Variants in GRID2 observed in about 807,000 individuals in gnomAD.
GRID2 encodes glutamate receptor ionotropic, delta-2.
GRID2 carries 33 observed loss-of-function variants against 114.8 expected under a neutral mutation model. That is an observed-to-expected ratio of 0.29 (90% CI 0.22 to 0.38). The LOEUF (loss-of-function observed/expected upper bound fraction) is 0.38, where lower values mean the gene tolerates loss of function less well. GRID2 is among the 10% of genes least tolerant of loss of function. GRID2 has a pLI of 1.00. For missense variants in GRID2, 1,184 were observed against 1,257.7 expected, an observed-to-expected ratio of 0.94 and a Z score of 0.89; for synonymous variants, 505 against 449.9, an observed-to-expected ratio of 1.12 and a Z score of -1.55.
chr4:93,712,677 A>G (rs1204282726), intron 14 of GRID2, among the ~76,000 whole-genome samples: 2 of 152,200 alleles, frequency 1.3e-5, no homozygotes, highest in Non-Finnish European at 1.5e-5. Context: ...CTGTGAAAGT[A>G]TTCAACTGAT....
chr4:92,598,049 A>G (rs1246980538), intron 2 of GRID2, among the ~76,000 whole-genome samples: 2 of 152,196 alleles, frequency 1.3e-5, no homozygotes, highest in Non-Finnish European at 1.5e-5. Flanking sequence ...GTCCTTGACA[A>G]GTGTAATGAG....
intron 11 of GRID2, among the ~76,000 whole-genome samples, chr4:93,474,882 C>T (rs1725175000): frequency 6.6e-6 from 1 of 152,152 alleles, no homozygotes; most frequent in Non-Finnish European, 1.5e-5. Flanking sequence ...ACACTTAAAA[C>T]AATGCATAAT....
rs182086381 is a variant in GRID2, at chr4:93,443,376, A to G, written c.1546-12286A>G. 1.9e-4 allele frequency among the ~76,000 whole-genome samples: 29 copies of G among 152,122 alleles called. No individual in the cohort carries two copies. The East Asian group carries it at 5.0e-3, about 26-fold the overall frequency. On this transcript the variant is annotated intron_variant, in intron 10 of 15. Coordinates refer to ENST00000282020, the MANE Select transcript of GRID2 (RefSeq NM_001510.4). ...GAGTATTGCTTAGGTATAAATCAGA[A>G]CTCAGAAAAATAAGAGTAAGAATTA...
At chr4:93,138,680 C>T (rs1298751632) in intron 4 of GRID2, among the ~76,000 whole-genome samples, 1 of 152,178 alleles carries the variant, frequency 6.6e-6, no homozygotes, top group African/African-American at 2.4e-5. Flanking sequence ...ACTGTTCTCA[C>T]AGTTCTCTTC....
chr4:92,364,786 T>C (rs1201544016), intron 1 of GRID2, among the ~76,000 whole-genome samples: 1 of 152,088 alleles, frequency 6.6e-6, no homozygotes, highest in African/African-American at 2.4e-5. Flanking sequence ...ATTACTTACC[T>C]GTCAAGATTT....
intron 2 of GRID2, among the ~76,000 whole-genome samples, chr4:93,045,304 C>T (rs1038642541): frequency 6.6e-6 from 1 of 152,042 alleles, no homozygotes; most frequent in Non-Finnish European, 1.5e-5. Context: ...TCTTTTTGCT[C>T]CTAATACTGC....
chr4:93,265,459 G>A (rs1405994294), intron 8 of GRID2, among the ~76,000 whole-genome samples: 2 of 152,062 alleles, frequency 1.3e-5, no homozygotes, highest in Non-Finnish European at 2.9e-5. Context: ...CTTACTTAAG[G>A]TCATTGCTGG....
At chr4:92,619,896 C>T (rs79201855) in intron 2 of GRID2, among the ~76,000 whole-genome samples, 8,326 of 150,592 alleles carry the variant, frequency 0.055, 290 homozygotes, top group East Asian at 0.16. Context: ...TTACACATGC[C>T]TTTTTTTTTC....
chr4:92,863,392 C>G (rs1195216181), intron 2 of GRID2, among the ~76,000 whole-genome samples: 1 of 152,128 alleles, frequency 6.6e-6, no homozygotes, highest in Admixed American at 6.6e-5. Flanking sequence ...ACCGACTCCT[C>G]CAGCAGCCTG....
chr4:92,581,756 T>C (rs968027802), intron 1 of GRID2, among the ~76,000 whole-genome samples: 2 of 152,124 alleles, frequency 1.3e-5, no homozygotes, highest in Non-Finnish European at 2.9e-5. Flanking sequence ...ATCAAAAATA[T>C]ATTGAAGAAA....
intron 1 of GRID2, among the ~76,000 whole-genome samples, chr4:92,469,027 G>T (rs1721893963): frequency 6.6e-6 from 1 of 152,092 alleles, no homozygotes; most frequent in African/African-American, 2.4e-5. Flanking sequence ...CTATGTCACT[G>T]CCTGGGCATT....
chr4:93,362,248 C>T (rs1446082709), intron 8 of GRID2, among the ~76,000 whole-genome samples: 2 of 152,082 alleles, frequency 1.3e-5, no homozygotes, highest in African/African-American at 4.8e-5. Context: ...TTGCTTCTCT[C>T]TCAATGGTAG....
chr4:92,707,864 T>C (rs892772390), intron 2 of GRID2, among the ~76,000 whole-genome samples: 27 of 152,154 alleles, frequency 1.8e-4, no homozygotes, highest in Non-Finnish European at 3.2e-4. Flanking sequence ...CTTGGAAGAA[T>C]AGAGTGATGA....
At chr4:93,623,060 T>C (rs1742357465) in intron 13 of GRID2, among the ~76,000 whole-genome samples, 1 of 152,202 alleles carries the variant, frequency 6.6e-6, no homozygotes. Context: ...GTTTTTTGAA[T>C]ATTTCATATT....
intron 13 of GRID2, among the ~76,000 whole-genome samples, chr4:93,607,106 T>C (rs1740321050): frequency 6.6e-6 from 1 of 152,098 alleles, no homozygotes. Flanking sequence ...TTTACTGTTC[T>C]GCTTGGCTTT....
At chr4:93,412,854 G>C (rs1393448583) in intron 9 of GRID2, among the ~76,000 whole-genome samples, 10 of 152,052 alleles carry the variant, frequency 6.6e-5, no homozygotes, top group Admixed American at 6.6e-4. Flanking sequence ...GTGTTTGGTT[G>C]TCTGTTCATT....
chr4:92,715,765 A>T (rs1390448218), intron 2 of GRID2, among the ~76,000 whole-genome samples: 1 of 152,208 alleles, frequency 6.6e-6, no homozygotes, highest in Non-Finnish European at 1.5e-5. Context: ...ACGTATCACT[A>T]GGTCCCTCCC....
At chr4:92,892,291 A>G (rs1290363847) in intron 2 of GRID2, among the ~76,000 whole-genome samples, 2 of 151,896 alleles carry the variant, frequency 1.3e-5, no homozygotes, top group Non-Finnish European at 2.9e-5. Flanking sequence ...CTTGGTTTAA[A>G]CTATTCTGTT....
chr4:93,739,666 C>A (rs1731210423), intron 14 of GRID2, among the ~76,000 whole-genome samples: 1 of 152,146 alleles, frequency 6.6e-6, no homozygotes, highest in African/African-American at 2.4e-5. Context: ...TTCTCTCACC[C>A]CACCCGGCTA....
Sources: allele counts gnomAD v4.1 joint callset (sites outside exome capture counted in the v4.1 genomes callset), GRCh38; gene constraint gnomAD v4.1.1; transcripts MANE v1.5; gene names NCBI Gene and HGNC (gene_info 2026-07-23, HGNC 2026-07-21).